PLA2G4C: variants seen among roughly 807,000 people sequenced by gnomAD.
PLA2G4C encodes cytosolic phospholipase A2 gamma.
A neutral mutation model predicts 73.8 loss-of-function variants in PLA2G4C; 64 were observed. The ratio of observed to expected loss-of-function variants is 0.87; its 90% CI spans 0.71 to 1.07. The LOEUF is 1.07. Ranked by LOEUF, PLA2G4C falls within the 50% of genes least tolerant of loss-of-function variation. The probability of loss-of-function intolerance (pLI) is 0.00; values close to 1 mark genes in which losing one functional copy is unlikely to be tolerated. For synonymous variants in PLA2G4C, 254 were observed against 252.1 expected (o/e 1.01, Z -0.07); for missense variants, 622 against 665.4 (o/e 0.93, Z 0.72).
intron 14 of PLA2G4C, among the ~76,000 whole-genome samples, chr19:48,056,357 G>A (rs976359613): frequency 6.6e-6 from 1 of 152,042 alleles, no homozygotes; most frequent in African/African-American, 2.4e-5. Flanking sequence ...AGACCAACCT[G>A]GCCAACATGG....
chr19:48,056,098 C>T (rs965383810), intron 14 of PLA2G4C, among the ~76,000 whole-genome samples: 2 of 152,096 alleles, frequency 1.3e-5, no homozygotes, highest in African/African-American at 4.8e-5. Flanking sequence ...GGCCTCCTTC[C>T]GTGCTGTCCT....
At chr19:48,059,498 A>G (rs1968086749) in intron 14 of PLA2G4C, among the ~76,000 whole-genome samples, 2 of 152,126 alleles carry the variant, frequency 1.3e-5, no homozygotes, top group South Asian at 2.1e-4. Context: ...TCAGTGGACT[A>G]GGAGAGGAAG....
At chr19:48,071,294 TC>T (rs1294852464) in intron 12 of PLA2G4C, among the ~76,000 whole-genome samples, 1 of 81,394 alleles carries the variant, frequency 1.2e-5, no homozygotes, top group Admixed American at 1.5e-4. Flanking sequence ...ACTCCATACT[TC>T]TTCTTTTTTT....
intron 14 of PLA2G4C, chr19:48,061,741 G>A (rs914782142): frequency 1.5e-5 from 7 of 455,582 alleles, no homozygotes; most frequent in African/African-American, 1.0e-4. Flanking sequence ...CAGGCAGGAC[G>A]CAGAAGCGGG....
intron 14 of PLA2G4C, among the ~76,000 whole-genome samples, chr19:48,060,885 C>T (rs187845463): frequency 5.3e-5 from 8 of 152,136 alleles, no homozygotes; most frequent in African/African-American, 1.9e-4. Flanking sequence ...ATATATATTA[C>T]ATTACACATA....
intron 4 of PLA2G4C, among the ~76,000 whole-genome samples, chr19:48,101,117 TA>T (rs2031888313): frequency 1.4e-5 from 1 of 72,096 alleles, no homozygotes; most frequent in African/African-American, 9.1e-5. Context: ...TATATATATA[TA>T]TATATATATT....
chr19:48,055,099 C>T (rs202236489), intron 14 of PLA2G4C, 50 bp from the exon 15 acceptor site: 1 of 1,389,840 alleles, frequency 7.2e-7, no homozygotes, highest in East Asian at 2.6e-5. Context: ...CAGAAGACCC[C>T]TCCAGAAGAC....
At chr19:48,100,831 G>A (rs760708848) in intron 4 of PLA2G4C, among the ~76,000 whole-genome samples, 21 of 133,768 alleles carry the variant, frequency 1.6e-4, no homozygotes, top group East Asian at 9.9e-4. Flanking sequence ...GGAGAATGGC[G>A]TGAACCCGGG....
chr19:48,101,926 C>T (rs1416192253), intron 4 of PLA2G4C, among the ~76,000 whole-genome samples: 3 of 151,674 alleles, frequency 2.0e-5, no homozygotes, highest in Non-Finnish European at 4.4e-5. Context: ...CCACCTGCCT[C>T]GGCCTCTTGA....
intron 7 of PLA2G4C, among the ~76,000 whole-genome samples, chr19:48,091,616 C>T (rs922318177): frequency 1.3e-5 from 2 of 152,024 alleles, no homozygotes; most frequent in Admixed American, 1.3e-4. Context: ...CAGCCAGGCA[C>T]GGTGGCTCAC....
intron 7 of PLA2G4C, among the ~76,000 whole-genome samples, chr19:48,093,920 C>A (rs11564546): frequency 0.011 from 1,642 of 152,236 alleles, 38 homozygotes; most frequent in African/African-American, 0.037. Context: ...CTCTCTCCTG[C>A]TACCACTTGA....
chr19:48,050,297 C>T (rs893178247), intron 16 of PLA2G4C, among the ~76,000 whole-genome samples: 6 of 152,160 alleles, frequency 3.9e-5, no homozygotes, highest in Non-Finnish European at 8.8e-5. Context: ...CAGCAAATAA[C>T]CGCCCTGCCC....
intron 7 of PLA2G4C, among the ~76,000 whole-genome samples, chr19:48,093,458 T>C (rs1204893867): frequency 6.6e-6 from 1 of 152,086 alleles, no homozygotes; most frequent in Admixed American, 6.6e-5. Context: ...CCCTAATCCA[T>C]GCTCAGAGAG....
chr19:48,050,716 C>T (rs1376935694), intron 16 of PLA2G4C, among the ~76,000 whole-genome samples: 5 of 122,286 alleles, frequency 4.1e-5, no homozygotes, highest in Non-Finnish European at 6.5e-5. Flanking sequence ...GCTCTGTCAT[C>T]GAAGCTGGAG....
chr19:48,099,097 C>CA (rs11366693), intron 5 of PLA2G4C, among the ~76,000 whole-genome samples: 13 of 146,594 alleles, frequency 8.9e-5, no homozygotes, highest in East Asian at 4.0e-4. Context: ...CCTGTCTCTA[C>CA]AAAAAAAAAA....
chr19:48,100,098 G>C (rs143261466), intron 4 of PLA2G4C: 4 of 443,414 alleles, frequency 9.0e-6, no homozygotes, highest in African/African-American at 6.0e-5. Context: ...ATGAGAGCAC[G>C]ATGGGAGAAA....
intron 8 of PLA2G4C, 50 bp downstream of exon 8, chr19:48,090,314 T>C: frequency 7.8e-7 from 1 of 1,277,184 alleles, no homozygotes; most frequent in Non-Finnish European, 1.1e-6. Flanking sequence ...GTGAATCTCC[T>C]TGCATAAAAT....
intron 5 of PLA2G4C, 66 bp from the exon 6 acceptor site, chr19:48,098,325 A>G: frequency 6.9e-7 from 1 of 1,445,792 alleles, no homozygotes; most frequent in South Asian, 1.3e-5. Context: ...GAACCTCTGC[A>G]CGTAGGCCAC....
intron 10 of PLA2G4C, among the ~76,000 whole-genome samples, chr19:48,081,674 G>A (rs1439597362): frequency 1.3e-5 from 2 of 151,972 alleles, no homozygotes; most frequent in Non-Finnish European, 2.9e-5. Flanking sequence ...CAGGAGAATG[G>A]CTTGAACCCA....
Sources: gnomAD v4.1 joint callset for allele counts (sites outside exome capture counted in the v4.1 genomes callset) on GRCh38, gnomAD v4.1.1 for gene constraint, MANE v1.5 for transcripts, NCBI Gene and HGNC (gene_info 2026-07-23, HGNC 2026-07-21) for gene names.